Variants in HVCN1 observed in about 807,000 individuals in gnomAD.
HVCN1 encodes hydrogen voltage gated channel 1, also known as voltage-gated hydrogen channel 1.
Under a neutral mutation model 29.2 loss-of-function variants are expected in HVCN1, and 14 were observed. The observed-to-expected ratio is 0.48, with a 90% CI of 0.32 to 0.75. HVCN1 has a LOEUF of 0.75. Among genes scored for constraint, HVCN1 ranks in the 30% least tolerant of loss-of-function variants. The pLI is 0.04. For synonymous variants in HVCN1, 131 were observed against 133.2 expected (o/e 0.98, Z 0.11); for missense variants, 263 against 341.8 (o/e 0.77, Z 1.82).
At chr12:110,703,207 CAAAAA>C (rs758737358) in intron 1 of HVCN1, among the ~76,000 whole-genome samples, 4 of 98,778 alleles carry the variant, frequency 4.0e-5, no homozygotes, top group African/African-American at 1.1e-4. Context: ...ATGTCTCTAC[CAAAAA>C]AAAAAAAAAA....
chr12:110,658,278 C>T lies in HVCN1; in HGVS notation c.306+2886G>A, dbSNP rs2068053652. Among the ~76,000 whole-genome samples the T allele has an allele frequency of 6.6e-6, 1 of 152,116 alleles. No homozygotes were observed. Among genetic ancestry groups the T allele is most frequent in the South Asian group, 2.1e-4 (1 of 4,824 alleles). On this transcript the variant is annotated intron_variant, in intron 4 of 7. Coordinates refer to ENST00000242607, the MANE Select transcript of HVCN1 (RefSeq NM_032369.4). This position sits in a 1 kb window ranked among gnomAD's most constrained non-coding sequence, Gnocchi z 5.0. ...CCACCCAAGAAAGGGATCCCAGGAGCTTCCTGGATGCCGATCCTACCTGCA... is the reference window on the plus strand; with the variant it reads ...CCACCCAAGAAAGGGATCCCAGGAGTTTCCTGGATGCCGATCCTACCTGCA...
chr12:110,691,054 C>T (rs2136495896), upstream of HVCN1, among the ~76,000 whole-genome samples: 1 of 152,028 alleles, frequency 6.6e-6, no homozygotes, highest in Admixed American at 6.6e-5. Flanking sequence ...CATGCCTGGA[C>T]TGCAGCAGGC....
intron 3 of HVCN1, among the ~76,000 whole-genome samples, chr12:110,681,712 C>G (rs2068980077): frequency 6.6e-6 from 1 of 152,166 alleles, no homozygotes; most frequent in African/African-American, 2.4e-5. Context: ...ATTTGCTTCT[C>G]AGACTCTGCC....
chr12:110,666,243 C>A (rs2068347407), intron 3 of HVCN1, among the ~76,000 whole-genome samples: 1 of 151,508 alleles, frequency 6.6e-6, no homozygotes, highest in African/African-American at 2.4e-5. Context: ...ATGGTGAAAC[C>A]CCATCTCTAC....
chr12:110,689,928 T>C, upstream of HVCN1: 1 of 152,450 alleles, frequency 6.6e-6, no homozygotes, highest in Non-Finnish European at 1.5e-5. The surrounding 1 kb of genome is among the most constrained non-coding windows in gnomAD (Gnocchi z 5.7). Context: ...TCTGCACACC[T>C]CTCCCTTCCG....
chr12:110,679,962 C>G (rs1243539619), intron 3 of HVCN1, among the ~76,000 whole-genome samples: 1 of 152,148 alleles, frequency 6.6e-6, no homozygotes, highest in East Asian at 1.9e-4. Flanking sequence ...GAACTGCAAG[C>G]CAGGTCTGCA....
At chr12:110,664,866 T>C (rs1377082399) in intron 3 of HVCN1, among the ~76,000 whole-genome samples, 1 of 152,124 alleles carries the variant, frequency 6.6e-6, no homozygotes, top group East Asian at 1.9e-4. Context: ...AAAAAACTCC[T>C]TGGGGTGCTG....
At chr12:110,656,653 T>C (rs1275327671) in intron 4 of HVCN1, among the ~76,000 whole-genome samples, 1 of 152,196 alleles carries the variant, frequency 6.6e-6, no homozygotes, top group African/African-American at 2.4e-5. Flanking sequence ...AACCTGCCAT[T>C]ATCTTGGCAA....
intron 5 of HVCN1, among the ~76,000 whole-genome samples, chr12:110,653,530 T>A (rs1593435889): frequency 6.6e-6 from 1 of 151,500 alleles, no homozygotes; most frequent in South Asian, 2.1e-4. Flanking sequence ...TATCCTAGTT[T>A]GAAAAAAACT....
intron 2 of HVCN1, among the ~76,000 whole-genome samples, chr12:110,701,055 A>G (rs1419305441): frequency 6.6e-6 from 1 of 152,252 alleles, no homozygotes; most frequent in Non-Finnish European, 1.5e-5. Context: ...AACACAGAGC[A>G]GAGAGCAGGG....
chr12:110,668,594 G>C (rs746586439), intron 3 of HVCN1, among the ~76,000 whole-genome samples: 33 of 152,270 alleles, frequency 2.2e-4, no homozygotes, highest in Admixed American at 5.2e-4. Context: ...GCCTGCCTCT[G>C]CATCCCTCAG....
chr12:110,678,973 A>G (rs997870243), intron 3 of HVCN1, among the ~76,000 whole-genome samples: 2 of 152,184 alleles, frequency 1.3e-5, no homozygotes, highest in Admixed American at 6.5e-5. Context: ...AAAAAGAAAA[A>G]GTTACCCAGG....
intron 2 of HVCN1, among the ~76,000 whole-genome samples, chr12:110,697,203 A>G (rs1360971839): frequency 6.6e-6 from 1 of 152,022 alleles, no homozygotes; most frequent in Non-Finnish European, 1.5e-5. Context: ...CTGAGTCAGG[A>G]ATTTGGCAGA....
At chr12:110,678,651 C>A (rs1033783247) in intron 3 of HVCN1, among the ~76,000 whole-genome samples, 7 of 151,932 alleles carry the variant, frequency 4.6e-5, no homozygotes, top group Non-Finnish European at 1.0e-4. Context: ...GGGGTTTCTC[C>A]ATGTTACTCA....
At chr12:110,675,372 T>C (rs113176255) in intron 3 of HVCN1, among the ~76,000 whole-genome samples, 1 of 152,132 alleles carries the variant, frequency 6.6e-6, no homozygotes, top group Non-Finnish European at 1.5e-5. Flanking sequence ...GGCAGGGGAA[T>C]TGCTTGAACC....
chr12:110,677,888 A>G (rs1365836439), intron 3 of HVCN1, among the ~76,000 whole-genome samples: 1 of 152,012 alleles, frequency 6.6e-6, no homozygotes, highest in African/African-American at 2.4e-5. Flanking sequence ...CTCCTTTTCT[A>G]TAGGGTTAGG....
At chr12:110,678,881 G>A (rs1340394795) in intron 3 of HVCN1, among the ~76,000 whole-genome samples, 1 of 152,246 alleles carries the variant, frequency 6.6e-6, no homozygotes, top group African/African-American at 2.4e-5. Context: ...ACTGAGAGGG[G>A]AGTCTGGTCC....
At chr12:110,678,982 G>C (rs1219377708) in intron 3 of HVCN1, among the ~76,000 whole-genome samples, 1 of 152,184 alleles carries the variant, frequency 6.6e-6, no homozygotes, top group Non-Finnish European at 1.5e-5. Context: ...AAGTTACCCA[G>C]GTAGAAATGA....
chr12:110,691,822 G>C (rs1454850221), upstream of HVCN1, among the ~76,000 whole-genome samples: 1 of 151,596 alleles, frequency 6.6e-6, no homozygotes, highest in Non-Finnish European at 1.5e-5. Flanking sequence ...CTTCTCCCTG[G>C]GTACTTGCCT....
Sources: allele counts gnomAD v4.1 joint callset (sites outside exome capture counted in the v4.1 genomes callset), GRCh38; gene constraint gnomAD v4.1.1; non-coding constraint Gnocchi (gnomAD v3.1); transcripts MANE v1.5; gene names NCBI Gene and HGNC (gene_info 2026-07-23, HGNC 2026-07-21).